Variants in TOX observed in about 807,000 individuals in gnomAD.
TOX encodes thymocyte selection-associated high mobility group box protein TOX.
TOX carries 11 observed loss-of-function variants against 53.7 expected under a neutral mutation model. That is an observed-to-expected ratio of 0.20 (90% CI 0.13 to 0.34). TOX has a LOEUF of 0.34. Ranked by LOEUF, TOX falls within the 10% of genes least tolerant of loss-of-function variation. TOX has a pLI of 1.00. For synonymous variants in TOX, 225 were observed against 245.3 expected, an observed-to-expected ratio of 0.92 and a Z score of 0.77; for missense variants, 570 against 664.6, an observed-to-expected ratio of 0.86 and a Z score of 1.56.
chr8:58,892,585 G>A (rs1418654452), intron 3 of TOX, among the ~76,000 whole-genome samples: 1 of 152,158 alleles, frequency 6.6e-6, no homozygotes, highest in Non-Finnish European at 1.5e-5. Context: ...ATGGCCACAA[G>A]AACACTGCCC....
chr8:59,061,733 A>G (rs1263108776), intron 1 of TOX, among the ~76,000 whole-genome samples: 1 of 151,806 alleles, frequency 6.6e-6, no homozygotes, highest in Non-Finnish European at 1.5e-5. Context: ...ATATATATCT[A>G]GTAGCAAGAA....
chr8:58,996,454 C>G (rs1486890793), intron 1 of TOX, among the ~76,000 whole-genome samples: 1 of 152,158 alleles, frequency 6.6e-6, no homozygotes, highest in Non-Finnish European at 1.5e-5. Flanking sequence ...TCTTTTAAGT[C>G]CTTTCTGGAA....
At chr8:58,933,094 ACT>A (rs1356581268) in intron 3 of TOX, among the ~76,000 whole-genome samples, 1 of 152,162 alleles carries the variant, frequency 6.6e-6, no homozygotes, top group Non-Finnish European at 1.5e-5. Context: ...TAGGAAGCAC[ACT>A]CTACAAAAAG....
At chr8:59,000,977 TC>T (rs35305765) in intron 1 of TOX, among the ~76,000 whole-genome samples, 46,269 of 151,976 alleles carry the variant, frequency 0.3, 8,329 homozygotes, top group South Asian at 0.43. Context: ...TTCCCACTAT[TC>T]TATCTAGTGT....
At chr8:59,115,882 A>G (rs982938645) in intron 1 of TOX, among the ~76,000 whole-genome samples, 1 of 152,168 alleles carries the variant, frequency 6.6e-6, no homozygotes, top group African/African-American at 2.4e-5. Flanking sequence ...GTCTTACAGT[A>G]GAGCAATACT....
intron 1 of TOX, among the ~76,000 whole-genome samples, chr8:59,109,622 C>G (rs1804976898): frequency 6.6e-6 from 1 of 152,166 alleles, no homozygotes; most frequent in South Asian, 2.1e-4. Flanking sequence ...CTTTATTAAC[C>G]ACTAGACATG....
chr8:58,934,286 A>C (rs902645039), intron 3 of TOX, among the ~76,000 whole-genome samples: 3 of 152,200 alleles, frequency 2.0e-5, no homozygotes, highest in Non-Finnish European at 4.4e-5. Flanking sequence ...AATGGCACAG[A>C]CAAGAAAATG....
chr8:59,040,814 G>A (rs1321872796), intron 1 of TOX, among the ~76,000 whole-genome samples: 11 of 152,274 alleles, frequency 7.2e-5, no homozygotes, highest in African/African-American at 2.4e-4. Flanking sequence ...TCTGGGCTTG[G>A]GATGGCCCCG....
chr8:58,930,305 G>A (rs988295962), intron 3 of TOX, among the ~76,000 whole-genome samples: 1 of 152,182 alleles, frequency 6.6e-6, no homozygotes, highest in Non-Finnish European at 1.5e-5. Flanking sequence ...CAGAAAAATA[G>A]TTATTAAGCT....
chr8:58,811,810 G>GA (rs1554521169), intron 7 of TOX, among the ~76,000 whole-genome samples: 1 of 151,690 alleles, frequency 6.6e-6, no homozygotes. Context: ...AAGAAAACTG[G>GA]ACAAAAAAAG....
chr8:59,116,227 T>C (rs148218765), intron 1 of TOX, among the ~76,000 whole-genome samples: 116 of 152,352 alleles, frequency 7.6e-4, no homozygotes, highest in African/African-American at 2.7e-3. Flanking sequence ...TATGATCTTA[T>C]CACCCTATTA....
At chr8:59,073,739 C>T (rs953131028) in intron 1 of TOX, among the ~76,000 whole-genome samples, 6 of 152,002 alleles carry the variant, frequency 3.9e-5, no homozygotes, top group Admixed American at 3.3e-4. Flanking sequence ...ATTTGGAAGA[C>T]CTGACTTAAA....
At chr8:59,034,299 T>G (rs552074261) in intron 1 of TOX, among the ~76,000 whole-genome samples, 2 of 152,360 alleles carry the variant, frequency 1.3e-5, no homozygotes, top group South Asian at 4.1e-4. Context: ...TAAAGTAATC[T>G]CTATGATAAT....
At chr8:58,896,458 A>G (rs766026426) in intron 3 of TOX, among the ~76,000 whole-genome samples, 16 of 152,128 alleles carry the variant, frequency 1.1e-4, no homozygotes, top group Non-Finnish European at 1.6e-4. Context: ...AGGGCAGATC[A>G]TGAGGTCAGG....
chr8:59,028,588 T>TAC (rs1253795287), intron 1 of TOX, among the ~76,000 whole-genome samples: 2 of 152,132 alleles, frequency 1.3e-5, no homozygotes, highest in Non-Finnish European at 2.9e-5. Flanking sequence ...CATACATACA[T>TAC]ATATAGATAT....
chr8:58,978,563 C>T (rs1363655839), intron 1 of TOX, among the ~76,000 whole-genome samples: 1 of 151,596 alleles, frequency 6.6e-6, no homozygotes, highest in African/African-American at 2.4e-5. Context: ...TTTACAATAG[C>T]ATATTGGTTA....
At chr8:59,080,681 T>C (rs1336787687) in intron 1 of TOX, among the ~76,000 whole-genome samples, 1 of 152,146 alleles carries the variant, frequency 6.6e-6, no homozygotes, top group Non-Finnish European at 1.5e-5. Flanking sequence ...GCTGTTGTCA[T>C]GACAGTGAGT....
At chr8:59,047,155 A>T (rs911479864) in intron 1 of TOX, among the ~76,000 whole-genome samples, 1 of 149,570 alleles carries the variant, frequency 6.7e-6, no homozygotes, top group East Asian at 2.0e-4. Context: ...TGTGCAAACT[A>T]ATTACATGCA....
intron 1 of TOX, among the ~76,000 whole-genome samples, chr8:59,091,707 T>A (rs1804610150): frequency 6.6e-6 from 1 of 152,138 alleles, no homozygotes; most frequent in Non-Finnish European, 1.5e-5. Context: ...TAAGTATTTG[T>A]ATCATGTTAT....
Sources: gnomAD v4.1 joint callset for allele counts (sites outside exome capture counted in the v4.1 genomes callset) on GRCh38, gnomAD v4.1.1 for gene constraint, MANE v1.5 for transcripts, NCBI Gene and HGNC (gene_info 2026-07-23, HGNC 2026-07-21) for gene names.